DLC1: variants seen among roughly 807,000 people sequenced by gnomAD.
The protein encoded by DLC1 is DLC1 Rho GTPase activating protein.
DLC1 carries 54 observed loss-of-function variants against 140.3 expected under a neutral mutation model. That is an observed-to-expected ratio of 0.38 (90% CI 0.31 to 0.48). DLC1 has a LOEUF of 0.48. DLC1 is among the 20% of genes least tolerant of loss of function. The pLI, the probability that DLC1 is intolerant of heterozygous loss-of-function variation, is 0.96. For synonymous variants in DLC1, 986 were observed against 728.1 expected, an observed-to-expected ratio of 1.35 and a Z score of -5.70; for missense variants, 2,536 against 1,907.0, an observed-to-expected ratio of 1.33 and a Z score of -6.14.
intron 5 of DLC1, among the ~76,000 whole-genome samples, chr8:13,129,170 C>T (rs920833989): frequency 1.2e-4 from 19 of 152,228 alleles, no homozygotes; most frequent in African/African-American, 4.6e-4. Context: ...GCTCATTCAA[C>T]GCAGTAACTC....
intron 5 of DLC1, among the ~76,000 whole-genome samples, chr8:13,143,043 C>CAAAAAAAAAA (rs552138951): frequency 8.2e-6 from 1 of 121,442 alleles, no homozygotes; most frequent in Non-Finnish European, 1.7e-5. Flanking sequence ...AACTCCGTCT[C>CAAAAAAAAAA]AAAAAAAAAA....
At chr8:13,409,672 C>T (rs1012636859) in intron 2 of DLC1, among the ~76,000 whole-genome samples, 11 of 152,134 alleles carry the variant, frequency 7.2e-5, no homozygotes, top group African/African-American at 2.4e-4. Flanking sequence ...TCAGACGAAA[C>T]CCTTGGCTTC....
rs546239388 is a variant in DLC1, at chr8:13,372,669, TA to T, written c.1314+20883del. Among the ~76,000 whole-genome samples, 531 of 152,218 alleles carry T rather than the reference TA, an allele frequency of 3.5e-3. 2 individuals are homozygous for T. Among genetic ancestry groups the T allele is most frequent in the Non-Finnish European group, 5.5e-3 (374 of 68,008 alleles). ...TAAACTATTTCCTCATCTTTGTGAG[TA>T]AAAAGGAACACGTCATTGATAGTGG... is the stretch of plus-strand genomic sequence containing the variant. On this transcript the variant is annotated intron_variant, in intron 4 of 17. Transcript: ENST00000276297.
At position 13,207,042 on chromosome 8, in the gene DLC1, T is replaced by C. The variant is rs2898357; in HGVS notation, c.1349-91385A>G. 4.2e-3 allele frequency among the ~76,000 whole-genome samples: 641 copies of C among 152,320 alleles called. 7 individuals are homozygous for C. The highest frequency in any genetic ancestry group is 0.014 in the African/African-American group (590 of 41,584). On this transcript the variant is annotated intron_variant, in intron 5 of 17. Transcript: ENST00000276297. Reference sequence around the variant, plus strand: ...GTGCTTTATAAAAGAAGTTGTGTTATGTATAAATCATTCTAAAAATATTTT... The same window carrying C: ...GTGCTTTATAAAAGAAGTTGTGTTACGTATAAATCATTCTAAAAATATTTT...
chr8:13,532,578 T>C (rs201980068), intron 1 of DLC1, among the ~76,000 whole-genome samples: 2 of 149,760 alleles, frequency 1.3e-5, no homozygotes, highest in Admixed American at 6.7e-5. Flanking sequence ...CTCTCTCTCT[T>C]TCTCTCTCTC....
intron 2 of DLC1, among the ~76,000 whole-genome samples, chr8:13,436,304 C>G (rs902941341): frequency 6.6e-6 from 1 of 152,204 alleles, no homozygotes; most frequent in African/African-American, 2.4e-5. Flanking sequence ...GAGACTAATT[C>G]TACACCTTGG....
intron 5 of DLC1, among the ~76,000 whole-genome samples, chr8:13,160,964 C>A (rs979027845): frequency 3.9e-5 from 6 of 152,180 alleles, no homozygotes; most frequent in Non-Finnish European, 7.4e-5. Flanking sequence ...ACCTGTATTC[C>A]CAGCTACTTG....
intron 1 of DLC1, among the ~76,000 whole-genome samples, chr8:13,591,995 G>A (rs762193759): frequency 6.6e-6 from 1 of 152,024 alleles, no homozygotes; most frequent in Non-Finnish European, 1.5e-5. Flanking sequence ...GAGTTTGGAG[G>A]TTGCAATCAG....
chr8:13,218,808 A>G (rs1828339958), intron 5 of DLC1, among the ~76,000 whole-genome samples: 1 of 140,686 alleles, frequency 7.1e-6, no homozygotes, highest in Non-Finnish European at 1.5e-5. Flanking sequence ...TATCATAATT[A>G]TATTCATAAT....
At chr8:13,386,729 T>A (rs1361585902) in intron 4 of DLC1, among the ~76,000 whole-genome samples, 1 of 152,110 alleles carries the variant, frequency 6.6e-6, no homozygotes, top group Non-Finnish European at 1.5e-5. Context: ...AAATCCTCTG[T>A]GCTTTTAAAT....
At chr8:13,233,266 G>C (rs900103134) in intron 5 of DLC1, among the ~76,000 whole-genome samples, 47 of 116,862 alleles carry the variant, frequency 4.0e-4, no homozygotes, top group Admixed American at 2.2e-3. Flanking sequence ...CTACACTCCA[G>C]CCTGGGCGAT....
chr8:13,100,841 G>C (rs1200320564), intron 8 of DLC1, 71 bp from the exon 9 acceptor site: 4 of 1,462,024 alleles, frequency 2.7e-6, no homozygotes, highest in Non-Finnish European at 3.6e-6. Context: ...ATGAGCAGGA[G>C]GCTGCTCATA....
At chr8:13,191,594 C>T (rs914872324) in intron 5 of DLC1, among the ~76,000 whole-genome samples, 1 of 152,106 alleles carries the variant, frequency 6.6e-6, no homozygotes, top group African/African-American at 2.4e-5. Context: ...TAAGATGCCC[C>T]GAGAATTTGA....
rs189122349 is a variant in DLC1, at chr8:13,132,335, T to A, written c.1349-16678A>T. 2.6e-5 allele frequency among the ~76,000 whole-genome samples: 4 copies of A among 151,494 alleles called. No homozygotes were observed. The East Asian group carries it at 5.9e-4, about 22-fold the overall frequency. On this transcript the variant is annotated intron_variant, in intron 5 of 17. Transcript: ENST00000276297. The stretch of plus-strand genomic sequence containing the variant: ...TGCGGCCACCAAACCGAGACTTCCC[T>A]GGCCAGGTCTGAGTTAATTCCCAGC...
intron 5 of DLC1, among the ~76,000 whole-genome samples, chr8:13,291,657 A>T (rs1189629469): frequency 2.0e-5 from 3 of 152,214 alleles, no homozygotes; most frequent in Non-Finnish European, 4.4e-5. Context: ...AAATAAAGTA[A>T]ATGTAAGTGA....
At chr8:13,167,449 A>G (rs1276008233) in intron 5 of DLC1, among the ~76,000 whole-genome samples, 1 of 152,086 alleles carries the variant, frequency 6.6e-6, no homozygotes, top group African/African-American at 2.4e-5. Flanking sequence ...CCTTTCCCTC[A>G]TTTCCCTGGG....
At chr8:13,411,663 C>G (rs1212732945) in intron 2 of DLC1, among the ~76,000 whole-genome samples, 2 of 152,050 alleles carry the variant, frequency 1.3e-5, no homozygotes, top group Non-Finnish European at 2.9e-5. Flanking sequence ...ACCTTCCACT[C>G]AATTTTGCTG....
chr8:13,197,624 G>T (rs1233716702), intron 5 of DLC1, among the ~76,000 whole-genome samples: 1 of 152,046 alleles, frequency 6.6e-6, no homozygotes, highest in Non-Finnish European at 1.5e-5. Flanking sequence ...GGGATTACAG[G>T]TGTGAGCCAG....
rs1169628567 is a variant in DLC1 at position 13,293,048 on chromosome 8, T to G, written c.1348+12221A>C. Among the ~76,000 whole-genome samples the G allele has an allele frequency of 5.9e-5, 9 of 152,072 alleles. 1 individual carries two copies. The highest frequency in any genetic ancestry group is 2.6e-4 in the Admixed American group (4 of 15,266). On this transcript the variant is annotated intron_variant, in intron 5 of 17. Coordinates refer to ENST00000276297, the MANE Select transcript of DLC1 (RefSeq NM_182643.3). The stretch of plus-strand genomic sequence containing the variant: ...GACCAGCCTGGGCAACATGGTGAGA[T>G]CCTGCCTCTATGTTAAAAAACATTT...
Sources: allele counts gnomAD v4.1 joint callset (sites outside exome capture counted in the v4.1 genomes callset), GRCh38; gene constraint gnomAD v4.1.1; transcripts MANE v1.5; gene names NCBI Gene and HGNC (gene_info 2026-07-23, HGNC 2026-07-21).